The following ZNF385D variants were observed in gnomAD, a reference collection of about 807,000 sequenced individuals.
The protein encoded by ZNF385D is zinc finger protein 659.
In ZNF385D, 15 loss-of-function variants were observed where a neutral mutation model predicts 35.8. The observed-to-expected ratio is 0.42, with a 90% confidence interval of 0.28 to 0.64. ZNF385D has a LOEUF of 0.64. Ranked by LOEUF, ZNF385D falls within the 30% of genes least tolerant of loss-of-function variation. The pLI is 0.23. For missense variants in ZNF385D, 474 were observed against 494.6 expected (o/e 0.96, Z 0.39); for synonymous variants, 212 against 186.8 (o/e 1.13, Z -1.10).
chr3:21,453,923 G>C (rs1252463100), intron 4 of ZNF385D, among the ~76,000 whole-genome samples: 1 of 151,956 alleles, frequency 6.6e-6, no homozygotes, highest in African/African-American at 2.4e-5. Flanking sequence ...CATAGCAGCA[G>C]TATTCATAAT....
At chr3:22,146,807 C>T (rs1260916136) in intron 3 of ZNF385D, among the ~76,000 whole-genome samples, 2 of 152,004 alleles carry the variant, frequency 1.3e-5, no homozygotes, top group East Asian at 1.9e-4. Flanking sequence ...CAAAATAATA[C>T]ACTTTGATGA....
chr3:21,586,669 G>A (rs1273749664), intron 2 of ZNF385D, among the ~76,000 whole-genome samples: 1 of 152,164 alleles, frequency 6.6e-6, no homozygotes, highest in African/African-American at 2.4e-5. Flanking sequence ...GCTGACAAGC[G>A]GGAAGGATGC....
chr3:21,472,247 C>T (rs191859924), intron 4 of ZNF385D, among the ~76,000 whole-genome samples: 4 of 152,108 alleles, frequency 2.6e-5, no homozygotes, highest in Admixed American at 1.3e-4. Context: ...TAGAGTTATA[C>T]AAAATAAATT....
intron 2 of ZNF385D, among the ~76,000 whole-genome samples, chr3:22,200,781 T>G (rs1696738411): frequency 6.6e-6 from 1 of 152,088 alleles, no homozygotes; most frequent in Admixed American, 6.6e-5. Context: ...CCTATTCTCT[T>G]TCCCAGGGAT....
chr3:21,960,012 G>C (rs1702495556), intron 3 of ZNF385D, among the ~76,000 whole-genome samples: 1 of 110,064 alleles, frequency 9.1e-6, no homozygotes, highest in Non-Finnish European at 1.9e-5. Flanking sequence ...GACTTCAAAA[G>C]CACAGCCTCC....
At chr3:22,372,358 T>C in intron 2 of ZNF385D, 1 of 826,724 alleles carries the variant, frequency 1.2e-6, no homozygotes, top group Non-Finnish European at 1.5e-6. Context: ...TCGCGCCTGG[T>C]ATCCCGCAGG....
At chr3:22,025,204 C>T (rs1041658041) in intron 3 of ZNF385D, among the ~76,000 whole-genome samples, 1 of 152,150 alleles carries the variant, frequency 6.6e-6, no homozygotes, top group Non-Finnish European at 1.5e-5. Flanking sequence ...ACCCATGCTG[C>T]CATCAGCCTT....
At chr3:21,956,410 G>A (rs911279984) in intron 3 of ZNF385D, among the ~76,000 whole-genome samples, 2 of 146,958 alleles carry the variant, frequency 1.4e-5, no homozygotes, top group Non-Finnish European at 3.1e-5. Flanking sequence ...ATAAAGGTAT[G>A]TTTAAAATGA....
chr3:22,193,455 T>C lies in ZNF385D; in HGVS notation c.107-24420A>G, dbSNP rs565420866. 2.0e-5 allele frequency among the ~76,000 whole-genome samples: 3 copies of C among 152,210 alleles called. No individual in the cohort carries two copies. The East Asian group carries it at 5.8e-4, about 29-fold the overall frequency. The stretch of plus-strand genomic sequence containing the variant: ...ACTTATTATATATGATATTAACGAA[T>C]ATTACATAGGATGCATGAGATCTAA... On this transcript the variant is annotated intron_variant, in intron 2 of 5. Transcript: ENST00000494108.
At position 21,673,057 on chromosome 3, in the gene ZNF385D, A is replaced by C. The variant is rs534210004; in HGVS notation, c.23-8029T>G. Among the ~76,000 whole-genome samples the C allele has an allele frequency of 2.0e-5, 3 of 152,262 alleles. No homozygotes were observed. The South Asian group carries it at 6.2e-4, about 32-fold the overall frequency. On this transcript the variant is annotated intron_variant, in intron 1 of 7. Transcript: ENST00000281523. ...AGGAAATCAAAAGATTTTGCCTGGA[A>C]TATTCCTCTCAAGTTTACTGCTAGT...
At chr3:21,890,810 A>C (rs1321000707) in intron 3 of ZNF385D, among the ~76,000 whole-genome samples, 1 of 152,202 alleles carries the variant, frequency 6.6e-6, no homozygotes, top group Non-Finnish European at 1.5e-5. Flanking sequence ...AAGATAAATA[A>C]GGATTGACTT....
intron 2 of ZNF385D, among the ~76,000 whole-genome samples, chr3:22,280,775 A>G (rs562768836): frequency 6.6e-6 from 1 of 152,018 alleles, no homozygotes; most frequent in East Asian, 1.9e-4. Context: ...TATGAATTTT[A>G]TGATTATTTT....
At chr3:22,200,481 T>A (rs1175408533) in intron 2 of ZNF385D, among the ~76,000 whole-genome samples, 1 of 151,874 alleles carries the variant, frequency 6.6e-6, no homozygotes, top group African/African-American at 2.4e-5. Flanking sequence ...CACAAGGTAA[T>A]AGAATATCAC....
chr3:21,846,237 A>T (rs149820324), intron 3 of ZNF385D, among the ~76,000 whole-genome samples: 1 of 152,006 alleles, frequency 6.6e-6, no homozygotes, highest in Non-Finnish European at 1.5e-5. Context: ...TTCTGTTTGG[A>T]ATTTCTCTAG....
intron 3 of ZNF385D, among the ~76,000 whole-genome samples, chr3:21,775,261 G>T (rs1172608169): frequency 2.0e-5 from 3 of 151,894 alleles, no homozygotes; most frequent in Admixed American, 6.6e-5. Flanking sequence ...TTAATGCAGG[G>T]TTGCAAAGTA....
chr3:22,128,353 T>C (rs1703566388), intron 3 of ZNF385D, among the ~76,000 whole-genome samples: 1 of 152,186 alleles, frequency 6.6e-6, no homozygotes, highest in Non-Finnish European at 1.5e-5. Context: ...GATTATTAAA[T>C]TTCGTGAGGT....
chr3:21,860,794 G>C (rs1279252921), intron 3 of ZNF385D, among the ~76,000 whole-genome samples: 1 of 152,138 alleles, frequency 6.6e-6, no homozygotes, highest in Non-Finnish European at 1.5e-5. Context: ...GGAAGGCCAG[G>C]ATAAGGAATC....
At chr3:22,352,473 C>T (rs143050823) in intron 2 of ZNF385D, among the ~76,000 whole-genome samples, 121 of 152,330 alleles carry the variant, frequency 7.9e-4, no homozygotes, top group African/African-American at 2.8e-3. Flanking sequence ...ATGTGATTCA[C>T]AGCCCAGATG....
chr3:22,102,947 G>A (rs1229093221), intron 3 of ZNF385D, among the ~76,000 whole-genome samples: 1 of 148,298 alleles, frequency 6.7e-6, no homozygotes, highest in Admixed American at 6.7e-5. Flanking sequence ...CCCCAAAGCT[G>A]GCAAATTATT....
Sources: allele counts gnomAD v4.1 joint callset (sites outside exome capture counted in the v4.1 genomes callset), GRCh38; gene constraint gnomAD v4.1.1; transcripts MANE v1.5; gene names NCBI Gene and HGNC (gene_info 2026-07-23, HGNC 2026-07-21).